Variants in IAH1 observed in about 807,000 individuals in gnomAD.
The protein encoded by IAH1 is isoamyl acetate hydrolyzing esterase 1 (putative), also known as isoamyl acetate-hydrolyzing esterase 1 homolog.
In IAH1, 24 loss-of-function variants were observed where a neutral mutation model predicts 26.7. That is an observed-to-expected ratio of 0.90 (90% CI 0.65 to 1.26). The LOEUF is 1.26. Ranked by LOEUF, IAH1 falls within the 50% of genes most tolerant of loss-of-function variation. The pLI, the probability that IAH1 is intolerant of heterozygous loss-of-function variation, is 0.00. For synonymous variants in IAH1, 140 were observed against 118.5 expected (o/e 1.18, Z -1.18); for missense variants, 300 against 299.9 (o/e 1.00, Z 0.00).
intron 2 of IAH1, among the ~76,000 whole-genome samples, chr2:9,476,657 A>T (rs1057325340): frequency 6.6e-6 from 1 of 152,114 alleles, no homozygotes; most frequent in Non-Finnish European, 1.5e-5. Flanking sequence ...GTGGTTATCT[A>T]TTGTTAGCAG....
chr2:9,491,351 C>T (rs561255118), downstream of IAH1, among the ~76,000 whole-genome samples: 1 of 152,300 alleles, frequency 6.6e-6, no homozygotes, highest in Non-Finnish European at 1.5e-5. Flanking sequence ...TTCCTTTGCA[C>T]TCAAAGGAAA....
chr2:9,487,823 T>TGCGC (rs1473967846), intron 5 of IAH1, among the ~76,000 whole-genome samples: 9 of 97,410 alleles, frequency 9.2e-5, no homozygotes, highest in African/African-American at 3.7e-4. Flanking sequence ...TGTGTGTGTG[T>TGCGC]GTGTGTGTGT....
At chr2:9,476,165 C>T (rs1035167653) in intron 2 of IAH1, 126 bp downstream of exon 2, 19 of 726,598 alleles carry the variant, frequency 2.6e-5, no homozygotes, top group Admixed American at 1.2e-4. Context: ...CTCCCCTAAT[C>T]AGTATATAGG....
the IAH1 span, among the ~76,000 whole-genome samples, chr2:9,509,553 T>C: frequency 1.5e-4 from 23 of 152,332 alleles, no homozygotes; most frequent in African/African-American, 4.6e-4. Flanking sequence ...CCATGAGGCT[T>C]GTAGTCAGGC....
At position 9,488,806 on chromosome 2, in the gene IAH1, TGGG is replaced by T. The variant is rs1661814590; in HGVS notation, c.*481_*483del. ...TCTGAGTAACAAATGTCCTTGGAAA[TGGG>T]GGGTAGGAGGAGATATGATTAGTCA... is the stretch of plus-strand genomic sequence containing the variant. On this transcript the variant is annotated 3_prime_UTR_variant, in exon 6 of 6. Transcript: ENST00000497473. 2.0e-5 allele frequency: 3 copies of T among 152,170 alleles called. No homozygotes were observed. The highest frequency in any genetic ancestry group is 2.4e-5 in the African/African-American group (1 of 41,422). 9.4% of individuals were successfully genotyped at this position (152,170 alleles called of 1,614,324 possible). A position where few individuals can be genotyped will look rare whatever the true frequency, so the allele number is the denominator to read the frequency against.
the IAH1 span, among the ~76,000 whole-genome samples, chr2:9,503,262 T>G: frequency 6.6e-6 from 1 of 151,972 alleles, no homozygotes; most frequent in African/African-American, 2.4e-5. Flanking sequence ...TAATATGCAC[T>G]GTATCCAGTT....
chr2:9,510,157 T>C, the IAH1 span: 1 of 1,612,844 alleles, frequency 6.2e-7, no homozygotes. Context: ...AAGAAAACAT[T>C]ATTTCTCAAT....
chr2:9,499,697 G>A (rs66995158), downstream of IAH1, among the ~76,000 whole-genome samples: 34,769 of 151,924 alleles, frequency 0.23, 4,729 homozygotes, highest in Middle Eastern at 0.32. Context: ...CCACTGTGCC[G>A]GGCCATCAGG....
downstream of IAH1, among the ~76,000 whole-genome samples, chr2:9,499,802 C>T (rs1662892704): frequency 6.6e-6 from 1 of 152,182 alleles, no homozygotes; most frequent in East Asian, 1.9e-4. Flanking sequence ...AAACCAAAAT[C>T]AAGCCAAAAT....
rs1661812163 is a variant in IAH1 at position 9,488,790 on chromosome 2, C to T, written c.*461C>T. On this transcript the variant is annotated 3_prime_UTR_variant, in exon 6 of 6. Coordinates refer to ENST00000497473, the MANE Select transcript of IAH1 (RefSeq NM_001039613.3). ...ATTAGTATAACAAGTATCTGAGTAA[C>T]AAATGTCCTTGGAAATGGGGGGTAG... The T allele has an allele frequency of 6.6e-6, 1 of 152,178 alleles. No homozygotes were observed. The highest frequency in any genetic ancestry group is 3.1e-3 in the Middle Eastern group (1 of 318). 9.4% of individuals were successfully genotyped at this position (152,178 alleles called of 1,614,324 possible).
chr2:9,495,012 A>C (rs1662461035), intron 6 of IAH1, among the ~76,000 whole-genome samples: 1 of 152,216 alleles, frequency 6.6e-6, no homozygotes, highest in Non-Finnish European at 1.5e-5. Flanking sequence ...TCTAGATTCA[A>C]GACCTCTCTT....
intron 3 of IAH1, among the ~76,000 whole-genome samples, 191 bp from the exon 4 acceptor site, chr2:9,481,095 C>CT (rs1661140999): frequency 6.6e-6 from 1 of 152,156 alleles, no homozygotes; most frequent in African/African-American, 2.4e-5. Context: ...TAGTTAGAGC[C>CT]TTTGAAGTCT....
At chr2:9,490,217 TGCA>T, downstream of IAH1, 1 of 1,601,218 alleles carries the variant, frequency 6.2e-7, no homozygotes, top group African/African-American at 1.3e-5. Context: ...ATTCTGACGC[TGCA>T]GTTTAAAGGA....
rs201535367 is a variant in IAH1 at position 9,481,287 on chromosome 2, T to A, written c.285T>A (p.Asp95Glu). Residue 95 changes from aspartate to glutamate, a missense_variant and splice_region_variant, in exon 4 of 6, where the codon GAT (aspartate) becomes GAA (glutamate). Asp to Glu is a conservative substitution (Grantham distance 45, BLOSUM62 2). Coordinates refer to ENST00000497473, the MANE Select transcript of IAH1 (RefSeq NM_001039613.3). ...AGGACTCATGTTTCTCTTGAGCAGA[T>A]GAGAATCCCAAGCAGCACATTCCCC... The part of the protein sequence containing the change: ...FFGANDSALK[D>E]ENPKQHIPLE... 4.4e-4 allele frequency: 715 copies of A among 1,613,850 alleles called. No individual in the cohort carries two copies. The highest frequency in any genetic ancestry group is 5.6e-4 in the Non-Finnish European group (661 of 1,179,854).
At chr2:9,497,425 T>C (rs1367622498), downstream of IAH1, among the ~76,000 whole-genome samples, 1 of 152,174 alleles carries the variant, frequency 6.6e-6, no homozygotes, top group East Asian at 1.9e-4. Flanking sequence ...TAAATGGGAG[T>C]GCCTGGCTAT....
At chr2:9,505,319 C>T in the IAH1 span, 23 of 1,614,034 alleles carry the variant, frequency 1.4e-5, no homozygotes, top group East Asian at 8.9e-5. Context: ...CTGGGCCTTA[C>T]TTTCAATGGT....
intron 2 of IAH1, among the ~76,000 whole-genome samples, chr2:9,477,075 A>G (rs1295190221): frequency 6.6e-6 from 1 of 151,988 alleles, no homozygotes; most frequent in Non-Finnish European, 1.5e-5. Flanking sequence ...TTGTGATTTC[A>G]CTCTGTAAAA....
rs190739313 is a variant in IAH1 at position 9,475,106 on chromosome 2, G to A, written c.81+459G>A. ...ATTCCCTGCGGGCACAGGTGGGGCC[G>A]TTAGGGGTTGACCTTGGAAGTAAAA... On this transcript the variant is annotated intron_variant, in intron 1 of 5. Transcript: ENST00000497473. 8.2e-3 allele frequency: 10,316 copies of A among 1,262,350 alleles called. 70 individuals are homozygous for A. Among genetic ancestry groups the A allele is most frequent in the Middle Eastern group, 0.016 (56 of 3,532 alleles). The allele number at this position is 1,262,350 out of a possible 1,614,324, so 78.2% of individuals were successfully genotyped here.
chr2:9,484,294 C>T (rs999933774), intron 4 of IAH1, 138 bp from the exon 5 acceptor site: 2 of 705,578 alleles, frequency 2.8e-6, no homozygotes, highest in Non-Finnish European at 5.1e-6. Context: ...TCAACATATA[C>T]CCTAAACCCC....
Sources: allele counts gnomAD v4.1 joint callset (sites outside exome capture counted in the v4.1 genomes callset), GRCh38; gene constraint gnomAD v4.1.1; transcripts MANE v1.5; gene names NCBI Gene and HGNC (gene_info 2026-07-23, HGNC 2026-07-21).